Variants in OTOGL observed in about 807,000 individuals in gnomAD.
OTOGL encodes otogelin-like protein.
A neutral mutation model predicts 318.5 loss-of-function variants in OTOGL; 285 were observed. The ratio of observed to expected loss-of-function variants is 0.89; its 90% CI spans 0.81 to 0.99. The LOEUF (loss-of-function observed/expected upper bound fraction) is 0.99. Ranked by LOEUF, OTOGL falls within the 50% of genes least tolerant of loss-of-function variation. The pLI, the probability that OTOGL is intolerant of heterozygous loss-of-function variation, is 0.00. For synonymous variants in OTOGL, 987 were observed against 936.5 expected, an observed-to-expected ratio of 1.05 and a Z score of -0.99; for missense variants, 2,899 against 2,845.6, an observed-to-expected ratio of 1.02 and a Z score of -0.43.
chr12:80,147,480 T>C (rs1001573769), intron 1 of OTOGL, among the ~76,000 whole-genome samples: 28 of 151,454 alleles, frequency 1.8e-4, no homozygotes, highest in African/African-American at 6.8e-4. Flanking sequence ...TCCAAGTATG[T>C]GGTCAATTTT....
intron 26 of OTOGL, among the ~76,000 whole-genome samples, chr12:80,289,204 G>A (rs1199385483): frequency 6.6e-6 from 1 of 152,140 alleles, no homozygotes; most frequent in Non-Finnish European, 1.5e-5. Flanking sequence ...AACCCTGCTT[G>A]CCTGGGTGTT....
intron 1 of OTOGL, among the ~76,000 whole-genome samples, chr12:80,144,977 T>A (rs1362654214): frequency 1.5e-4 from 23 of 151,374 alleles, no homozygotes; most frequent in Admixed American, 1.4e-3. Context: ...GATGAGTAGG[T>A]TGCAAAAATT....
At chr12:80,206,725 T>C (rs2137297829) in intron 1 of OTOGL, among the ~76,000 whole-genome samples, 1 of 151,898 alleles carries the variant, frequency 6.6e-6, no homozygotes, top group African/African-American at 2.4e-5. Flanking sequence ...TTCATCATGT[T>C]GTCCAGGCTA....
At chr12:80,216,970 A>G (rs1038220971) in intron 4 of OTOGL, among the ~76,000 whole-genome samples, 5 of 152,158 alleles carry the variant, frequency 3.3e-5, no homozygotes, top group African/African-American at 1.2e-4. Flanking sequence ...AAAGAAAAAG[A>G]AAGAAAGAAA....
At chr12:80,186,139 C>T (rs570431635) in intron 1 of OTOGL, among the ~76,000 whole-genome samples, 2 of 152,310 alleles carry the variant, frequency 1.3e-5, no homozygotes, top group East Asian at 1.9e-4. Context: ...ACATCTCACG[C>T]TCTCTGAAGG....
At chr12:80,108,123 T>G (rs1869566818) in intron 1 of OTOGL, among the ~76,000 whole-genome samples, 1 of 152,090 alleles carries the variant, frequency 6.6e-6, no homozygotes, top group Non-Finnish European at 1.5e-5. Flanking sequence ...ATAAGACTTT[T>G]GTAAGTTGCT....
At chr12:80,186,410 CTT>C (rs766105595) in intron 1 of OTOGL, among the ~76,000 whole-genome samples, 15 of 152,076 alleles carry the variant, frequency 9.9e-5, no homozygotes, top group Non-Finnish European at 2.1e-4. Context: ...TCGGATGTCT[CTT>C]GTATTATTTT....
At chr12:80,332,344 G>A (rs1016013286) in intron 37 of OTOGL, among the ~76,000 whole-genome samples, 40 of 152,036 alleles carry the variant, frequency 2.6e-4, no homozygotes, top group Admixed American at 9.2e-4. Flanking sequence ...GTCAACTACG[G>A]GCACTGCGAT....
At position 80,302,795 on chromosome 12, in the gene OTOGL, T is replaced by A. The variant is rs367967235; in HGVS notation, c.3213+12T>A. 2.7e-6 allele frequency: 4 copies of A among 1,456,066 alleles called. No individual in the cohort carries two copies. Among genetic ancestry groups the A allele is most frequent in the Non-Finnish European group, 3.6e-6 (4 of 1,105,994 alleles). 90.2% of individuals were successfully genotyped at this position (1,456,066 alleles called of 1,614,324 possible). On this transcript the variant is annotated intron_variant, in intron 28 of 58. Coordinates refer to ENST00000547103, the MANE Select transcript of OTOGL (RefSeq NM_001378609.3). ...GGCCACAGTGGAAGGTAGGTCAACC[T>A]AAGCTCCAAATGAGATGTAATGAAT... is the stretch of plus-strand genomic sequence containing the variant.
chr12:80,197,533 A>G (rs1876162940), intron 1 of OTOGL, among the ~76,000 whole-genome samples: 1 of 152,218 alleles, frequency 6.6e-6, no homozygotes, highest in Admixed American at 6.5e-5. Context: ...TAAATAATTT[A>G]TAGAGTTCGG....
intron 27 of OTOGL, among the ~76,000 whole-genome samples, chr12:80,301,910 G>A (rs1885790555): frequency 1.3e-5 from 2 of 152,182 alleles, no homozygotes; most frequent in Admixed American, 1.3e-4. Flanking sequence ...CACTTACCAT[G>A]TGCTGTGGCT....
intron 56 of OTOGL, among the ~76,000 whole-genome samples, chr12:80,371,532 T>C (rs1592771312): frequency 6.6e-6 from 1 of 152,138 alleles, no homozygotes; most frequent in East Asian, 1.9e-4. Flanking sequence ...CAATTAGTAA[T>C]TCTTGTAAAA....
At chr12:80,370,760 A>C in intron 56 of OTOGL, 71 bp downstream of exon 56, 1 of 1,182,346 alleles carries the variant, frequency 8.5e-7, no homozygotes, top group Non-Finnish European at 1.2e-6. Context: ...ATATTTTCTA[A>C]GGTCATACTT....
chr12:80,249,871 G>A (rs182276235), intron 11 of OTOGL, among the ~76,000 whole-genome samples: 13 of 152,268 alleles, frequency 8.5e-5, no homozygotes, highest in Middle Eastern at 6.8e-3. Context: ...CTCGTGGTGC[G>A]CCGTTTTTTA....
chr12:80,307,516 G>C (rs1460771911), intron 29 of OTOGL, among the ~76,000 whole-genome samples: 9 of 149,672 alleles, frequency 6.0e-5, no homozygotes, highest in Non-Finnish European at 1.3e-4. Flanking sequence ...GGGCGGCCGG[G>C]CGGAGGCGCC....
intron 1 of OTOGL, among the ~76,000 whole-genome samples, chr12:80,115,960 A>G (rs1166068362): frequency 4.6e-5 from 7 of 152,112 alleles, no homozygotes; most frequent in Admixed American, 4.6e-4. Context: ...CGAGAATTTC[A>G]AGCCAGTGGA....
Position 80,365,969 on chromosome 12 carries a change from T to C in OTOGL, c.6268-605T>C, listed in dbSNP as rs531493441. Among the ~76,000 whole-genome samples the C allele has an allele frequency of 2.6e-5, 4 of 152,266 alleles. No homozygotes were observed. The South Asian group carries it at 8.3e-4, about 32-fold the overall frequency. On this transcript the variant is annotated intron_variant, in intron 52 of 58. Transcript: ENST00000547103. ...TAGGGCAAAGTTTGAGCATCTGTCA[T>C]AGTAACAATGTACTAACAGCAAAAT...
rs376428054 is a variant in OTOGL at position 80,220,749 on chromosome 12, G to A, written c.334+837G>A. Among the ~76,000 whole-genome samples the A allele has an allele frequency of 1.8e-4, 23 of 124,654 alleles. 1 individual carries two copies. The East Asian group carries it at 2.5e-3, about 14-fold the overall frequency. The allele number at this position is 124,654 out of a possible 152,430, so 81.8% of individuals were successfully genotyped here. A position where few individuals can be genotyped will look rare whatever the true frequency, so the allele number is the denominator to read the frequency against. On this transcript the variant is annotated intron_variant, in intron 6 of 58. Coordinates refer to ENST00000547103, the MANE Select transcript of OTOGL (RefSeq NM_001378609.3). ...CCAGGCTAGGCATTGGGGATGCAACGGTGAATAATAGAAACATGTTCCTGT... is the reference window on the plus strand; with the variant it reads ...CCAGGCTAGGCATTGGGGATGCAACAGTGAATAATAGAAACATGTTCCTGT...
rs761123984 is a variant in OTOGL at position 80,257,951 on chromosome 12, G to A, written c.1838G>A (p.Arg613Lys). Residue 613 changes from arginine to lysine, a missense_variant, in exon 18 of 59, where the codon AGA becomes AAA. Around this residue, in one of 3 missense-constraint regions of OTOGL, gnomAD observed 2,607 missense variants for 2,524.9 expected, o/e 1.03. Coordinates refer to ENST00000547103, the MANE Select transcript of OTOGL (RefSeq NM_001378609.3). ...CAGCTTACTAGCGCATGGAAAAGAA[G>A]AACATTAGGTCTGTGTGGCACTTTT... The part of the protein sequence containing the change: ...YIQLTSAWKR[R>K]TLGLCGTFNG... 3.1e-6 allele frequency: 5 copies of A among 1,597,830 alleles called. No homozygotes were observed. The African/African-American group carries it at 6.7e-5, about 21-fold the overall frequency.
Sources: gnomAD v4.1 joint callset for allele counts (sites outside exome capture counted in the v4.1 genomes callset) on GRCh38, gnomAD v4.1.1 for gene constraint, gnomAD v4.1.1 regional missense constraint, MANE v1.5 for transcripts, NCBI Gene and HGNC (gene_info 2026-07-23, HGNC 2026-07-21) for gene names.